The following PRKCE variants were observed in gnomAD, a reference collection of about 807,000 sequenced individuals.
PRKCE encodes the protein protein kinase C epsilon.
In PRKCE, 16 loss-of-function variants were observed where a neutral mutation model predicts 85.4. The observed-to-expected ratio is 0.19, with a 90% CI of 0.13 to 0.28. The LOEUF (loss-of-function observed/expected upper bound fraction) is 0.28. Among genes scored for constraint, PRKCE ranks in the 10% least tolerant of loss-of-function variants. PRKCE has a pLI of 1.00. For synonymous variants in PRKCE, 388 were observed against 371.5 expected, an observed-to-expected ratio of 1.04 and a Z score of -0.51; for missense variants, 573 against 975.2, an observed-to-expected ratio of 0.59 and a Z score of 5.49.
rs1676667094 is a variant in PRKCE, at chr2:46,151,871, C to A, written c.1920+642C>A. Among the ~76,000 whole-genome samples the A allele has an allele frequency of 2.0e-5, 3 of 152,258 alleles. No individual in the cohort carries two copies. In the East Asian group the frequency reaches 5.8e-4, roughly 29 times the overall value. ...CAGCCATCTCTACGATGTAACAATG[C>A]TTGTACTGTGTCAAGCAAGTGATGT... On this transcript the variant is annotated intron_variant, in intron 13 of 14. Transcript: ENST00000306156.
At chr2:45,762,157 A>G (rs1052559964) in intron 1 of PRKCE, among the ~76,000 whole-genome samples, 109 of 152,326 alleles carry the variant, frequency 7.2e-4, no homozygotes, top group African/African-American at 2.3e-3. Context: ...ACTCTCATCA[A>G]TGGAAGAGAA....
At chr2:45,855,356 T>C (rs1042509809) in intron 2 of PRKCE, among the ~76,000 whole-genome samples, 6 of 152,198 alleles carry the variant, frequency 3.9e-5, no homozygotes, top group Admixed American at 2.0e-4. Context: ...TGCTTAAAAA[T>C]CTTACAAATT....
chr2:46,092,084 C>A (rs557209297), intron 11 of PRKCE, among the ~76,000 whole-genome samples: 3 of 152,204 alleles, frequency 2.0e-5, no homozygotes, highest in African/African-American at 7.2e-5. Context: ...GAGCAACTTA[C>A]AAAACCTCTT....
intron 1 of PRKCE, among the ~76,000 whole-genome samples, chr2:45,775,346 G>A (rs1357193012): frequency 2.0e-4 from 31 of 152,146 alleles, no homozygotes; most frequent in Admixed American, 1.6e-3. Flanking sequence ...AAGGGAAGGT[G>A]GACTCCACGC....
intron 6 of PRKCE, among the ~76,000 whole-genome samples, chr2:45,988,164 G>A (rs866021983): frequency 1.3e-5 from 2 of 152,194 alleles, no homozygotes; most frequent in African/African-American, 4.8e-5. Flanking sequence ...TGGAGCTCTG[G>A]TCCCCTGGTC....
chr2:45,948,197 C>T (rs1700368409), intron 2 of PRKCE, among the ~76,000 whole-genome samples: 1 of 152,190 alleles, frequency 6.6e-6, no homozygotes, highest in African/African-American at 2.4e-5. Context: ...TTGCTATACC[C>T]ATAACGTGGC....
chr2:45,755,850 C>A (rs1484349228), intron 1 of PRKCE, among the ~76,000 whole-genome samples: 1 of 152,144 alleles, frequency 6.6e-6, no homozygotes, highest in Non-Finnish European at 1.5e-5. Context: ...GGGAAAGCTC[C>A]TTGGGGCTGG....
At chr2:45,665,087 G>C (rs996838882) in intron 1 of PRKCE, among the ~76,000 whole-genome samples, 3 of 152,226 alleles carry the variant, frequency 2.0e-5, no homozygotes, top group Admixed American at 2.0e-4. Context: ...AAAGATTACT[G>C]TACTCTCAGT....
At chr2:45,709,218 A>C (rs1427816582) in intron 1 of PRKCE, among the ~76,000 whole-genome samples, 1 of 152,228 alleles carries the variant, frequency 6.6e-6, no homozygotes, top group Non-Finnish European at 1.5e-5. Context: ...GGTGCTGGTC[A>C]GGAGCACCCT....
intron 1 of PRKCE, among the ~76,000 whole-genome samples, chr2:45,655,990 C>T (rs573343950): frequency 1.3e-5 from 2 of 152,080 alleles, no homozygotes; most frequent in South Asian, 4.1e-4. Flanking sequence ...CTGGCATGGC[C>T]ACCGCAGGAA....
At chr2:46,182,552 CTG>C (rs1196222752) in intron 14 of PRKCE, among the ~76,000 whole-genome samples, 1 of 152,182 alleles carries the variant, frequency 6.6e-6, no homozygotes, top group Non-Finnish European at 1.5e-5. Flanking sequence ...CTTGGGTTTT[CTG>C]TGTGTCCCCC....
chr2:46,083,795 A>C (rs1009172370), intron 10 of PRKCE, among the ~76,000 whole-genome samples: 1 of 152,224 alleles, frequency 6.6e-6, no homozygotes, highest in Non-Finnish European at 1.5e-5. Context: ...ATTCTAATGC[A>C]CAAGTTTAAG....
intron 6 of PRKCE, among the ~76,000 whole-genome samples, chr2:45,991,694 A>G (rs1363554562): frequency 6.6e-6 from 1 of 152,248 alleles, no homozygotes; most frequent in African/African-American, 2.4e-5. Flanking sequence ...TAATTATGAA[A>G]GAAAGGCCCA....
chr2:46,066,188 T>A (rs1402630251), intron 10 of PRKCE, among the ~76,000 whole-genome samples: 1 of 152,202 alleles, frequency 6.6e-6, no homozygotes, highest in Non-Finnish European at 1.5e-5. Flanking sequence ...CCCTGTACAA[T>A]ATCAGGTGAA....
chr2:46,135,538 A>G (rs10198247), intron 11 of PRKCE, among the ~76,000 whole-genome samples: 41,408 of 152,002 alleles, frequency 0.27, 6,020 homozygotes, highest in Middle Eastern at 0.42. Context: ...GAAAAGATTT[A>G]ACACTGAGCT....
intron 6 of PRKCE, among the ~76,000 whole-genome samples, chr2:45,992,307 G>A (rs1355821149): frequency 6.6e-6 from 1 of 152,174 alleles, no homozygotes; most frequent in African/African-American, 2.4e-5. Context: ...TCTGAGGAAT[G>A]CTGGGTAGCA....
At position 45,910,959 on chromosome 2, in the gene PRKCE, G is replaced by C. The variant is rs117184138; in HGVS notation, c.413-65470G>C. Among the ~76,000 whole-genome samples, 45 of 152,324 alleles carry C rather than the reference G, an allele frequency of 3.0e-4. No homozygotes were observed. In the East Asian group the frequency reaches 7.9e-3, roughly 27 times the overall value. ...TCTTGGGTGTGTAGGAGGAGAATGG[G>C]AGACTGGGGAATGGAAAACAGGGCA... On this transcript the variant is annotated intron_variant, in intron 2 of 14. Transcript: ENST00000306156.
chr2:45,947,741 G>T (rs1700339495), intron 2 of PRKCE, among the ~76,000 whole-genome samples: 1 of 152,106 alleles, frequency 6.6e-6, no homozygotes, highest in South Asian at 2.1e-4. Flanking sequence ...AGGCACTTAG[G>T]CTTCCAGACT....
chr2:45,819,994 G>C (rs944300073), intron 1 of PRKCE, among the ~76,000 whole-genome samples: 1 of 152,126 alleles, frequency 6.6e-6, no homozygotes, highest in Non-Finnish European at 1.5e-5. Flanking sequence ...AGTTTAAGGG[G>C]TGTTGGGAGT....
Sources: gnomAD v4.1 joint callset for allele counts (sites outside exome capture counted in the v4.1 genomes callset) on GRCh38, gnomAD v4.1.1 for gene constraint, MANE v1.5 for transcripts, NCBI Gene and HGNC (gene_info 2026-07-23, HGNC 2026-07-21) for gene names.